The following ARL6 variants were observed in gnomAD, a reference collection of about 807,000 sequenced individuals.
The protein encoded by ARL6 is ARF like GTPase 6.
Under a neutral mutation model 27.1 loss-of-function variants are expected in ARL6, and 18 were observed. That is an observed-to-expected ratio of 0.66 (90% CI 0.46 to 0.98). ARL6 has a LOEUF of 0.98. ARL6 is among the 50% of genes least tolerant of loss of function. ARL6 has a pLI of 0.00. For synonymous variants in ARL6, 65 were observed against 72.3 expected, an observed-to-expected ratio of 0.90 and a Z score of 0.51; for missense variants, 187 against 214.9, an observed-to-expected ratio of 0.87 and a Z score of 0.81.
intron 4 of ARL6, 55 bp downstream of exon 4, chr3:97,780,738 T>A (rs1006463087): frequency 2.9e-5 from 39 of 1,365,562 alleles, no homozygotes; most frequent in Non-Finnish European, 3.9e-5. Context: ...ATAATAATGA[T>A]TAGAAATCCA....
chr3:97,768,839 A>C (rs1255359135), intron 2 of ARL6, among the ~76,000 whole-genome samples: 1 of 151,962 alleles, frequency 6.6e-6, no homozygotes, highest in Non-Finnish European at 1.5e-5. Context: ...GTCCAGAGAA[A>C]AGTGATTGGC....
chr3:97,764,647 A>G (rs927181532), upstream of ARL6: 1 of 152,136 alleles, frequency 6.6e-6, no homozygotes, highest in Non-Finnish European at 1.5e-5. Flanking sequence ...CTTTTCCCGG[A>G]GCTCTTCAAT....
intron 2 of ARL6, among the ~76,000 whole-genome samples, chr3:97,768,557 G>C (rs2036494071): frequency 6.6e-6 from 1 of 151,950 alleles, no homozygotes; most frequent in Non-Finnish European, 1.5e-5. Flanking sequence ...ATTTTTATAG[G>C]TTCTATGGAT....
At chr3:97,778,573 GT>G (rs907637202) in intron 2 of ARL6, among the ~76,000 whole-genome samples, 1 of 151,898 alleles carries the variant, frequency 6.6e-6, no homozygotes, top group Non-Finnish European at 1.5e-5. Flanking sequence ...ACTGAAGGGA[GT>G]TTTTTTTAAA....
intron 2 of ARL6, among the ~76,000 whole-genome samples, 160 bp downstream of exon 2, chr3:97,768,390 T>C (rs1479188708): frequency 6.6e-6 from 1 of 152,098 alleles, no homozygotes; most frequent in African/African-American, 2.4e-5. Flanking sequence ...TTGCAGTATA[T>C]TTTACACAGT....
chr3:97,792,694 A>G (rs1431862939), intron 7 of ARL6, among the ~76,000 whole-genome samples: 4 of 152,124 alleles, frequency 2.6e-5, no homozygotes, highest in Non-Finnish European at 4.4e-5. Flanking sequence ...AACATATATC[A>G]TTTACCCTAA....
At chr3:97,785,428 T>C (rs1031413941) in intron 5 of ARL6, among the ~76,000 whole-genome samples, 8 of 129,790 alleles carry the variant, frequency 6.2e-5, no homozygotes, top group Non-Finnish European at 1.2e-4. Context: ...TTTCATGCAT[T>C]TCTCTATGTG....
intron 1 of ARL6, among the ~76,000 whole-genome samples, chr3:97,767,532 A>C (rs200193114): frequency 1.9e-5 from 1 of 53,306 alleles, no homozygotes; most frequent in Admixed American, 2.7e-4. Flanking sequence ...CCAAGCAAGC[A>C]AAAAAAAAGT....
chr3:97,771,609 T>A (rs186974386), intron 2 of ARL6, among the ~76,000 whole-genome samples: 13 of 148,604 alleles, frequency 8.7e-5, no homozygotes, highest in Non-Finnish European at 1.3e-4. Context: ...GAAAGGCTTT[T>A]AGTTTTTCTC....
chr3:97,781,298 AAGTCAAGTGCTCACTAATTTACACTT>A (rs879542075), intron 4 of ARL6, among the ~76,000 whole-genome samples: 3,734 of 152,230 alleles, frequency 0.025, 72 homozygotes, highest in African/African-American at 0.046. Context: ...CAGCATATGC[AAGTCAAGTGCTCACTAATTTACACTT>A]GGTCCTTCAT....
At chr3:97,774,646 T>G (rs1308887141) in intron 2 of ARL6, among the ~76,000 whole-genome samples, 3 of 152,168 alleles carry the variant, frequency 2.0e-5, no homozygotes, top group Non-Finnish European at 4.4e-5. Flanking sequence ...AGTCCCATTC[T>G]TTTCCAATCA....
intron 1 of ARL6, among the ~76,000 whole-genome samples, chr3:97,765,412 T>G (rs1034433203): frequency 6.6e-6 from 1 of 152,204 alleles, no homozygotes; most frequent in African/African-American, 2.4e-5. Context: ...CTCTGCAGCT[T>G]ACCCTCTAAG....
At chr3:97,794,381 T>C (rs2037896347) in intron 7 of ARL6, among the ~76,000 whole-genome samples, 1 of 151,886 alleles carries the variant, frequency 6.6e-6, no homozygotes, top group Admixed American at 6.6e-5. Flanking sequence ...CCCAGCTAAT[T>C]TTTTGTATTT....
At chr3:97,778,821 G>C (rs1383762937) in intron 2 of ARL6, among the ~76,000 whole-genome samples, 1 of 152,080 alleles carries the variant, frequency 6.6e-6, no homozygotes, top group Non-Finnish European at 1.5e-5. Flanking sequence ...GCAAGTAAGA[G>C]CAATTAGGAG....
intron 6 of ARL6, 134 bp downstream of exon 6, chr3:97,788,253 A>G (rs1430715971): frequency 1.0e-6 from 1 of 992,746 alleles, no homozygotes; most frequent in Non-Finnish European, 1.5e-6. Flanking sequence ...TTTGTTTTGT[A>G]GAATTGTGGC....
intron 5 of ARL6, among the ~76,000 whole-genome samples, chr3:97,787,206 T>C (rs1011628561): frequency 6.6e-6 from 1 of 152,140 alleles, no homozygotes; most frequent in African/African-American, 2.4e-5. Flanking sequence ...AGAAGAAATA[T>C]TCCAGAACGG....
Position 97,780,130 on chromosome 3 carries a change from A to G in ARL6, c.124-29A>G. 3 of 1,588,040 alleles carry G rather than the reference A, an allele frequency of 1.9e-6. 1 individual carries two copies. The highest frequency in any genetic ancestry group is 2.2e-5 in the South Asian group (2 of 90,536). On this transcript the variant is annotated intron_variant, in intron 2 of 7. Transcript: ENST00000463745. The stretch of plus-strand genomic sequence containing the variant: ...GAAAACTCATCTCTGGTAATTGTAA[A>G]TTTCTGAACTTTGTCTTTTCTCTTA...
At chr3:97,788,195 AT>A in intron 6 of ARL6, 76 bp downstream of exon 6, 1 of 1,472,982 alleles carries the variant, frequency 6.8e-7, no homozygotes, top group Non-Finnish European at 9.3e-7. Flanking sequence ...TTCTGATCTC[AT>A]TTTTTAAAAA....
Position 97,780,692 on chromosome 3 carries a change from A to G in ARL6, c.254+9A>G, listed in dbSNP as rs773293069. On this transcript the variant is annotated intron_variant, in intron 4 of 7. Transcript: ENST00000463745. ...TGGGAACACTATTATAAGTAAGTAC[A>G]TCTGTGAATGTTGCTTAACTAGATG... is the stretch of plus-strand genomic sequence containing the variant. The G allele has an allele frequency of 1.3e-6, 2 of 1,596,428 alleles. No individual in the cohort carries two copies. Among genetic ancestry groups the G allele is most frequent in the Non-Finnish European group, 8.6e-7 (1 of 1,164,042 alleles).
Sources: gnomAD v4.1 joint callset for allele counts (sites outside exome capture counted in the v4.1 genomes callset) on GRCh38, gnomAD v4.1.1 for gene constraint, MANE v1.5 for transcripts, NCBI Gene and HGNC (gene_info 2026-07-23, HGNC 2026-07-21) for gene names.